Variants in KIF19 observed in about 807,000 individuals in gnomAD.
KIF19 encodes the protein kinesin family member 19.
A neutral mutation model predicts 106.6 loss-of-function variants in KIF19; 98 were observed. That is an observed-to-expected ratio of 0.92 (90% CI 0.78 to 1.09). KIF19 has a LOEUF of 1.09. Among genes scored for constraint, KIF19 ranks in the 50% least tolerant of loss-of-function variants. The pLI is 0.00. For missense variants in KIF19, 1,373 were observed against 1,414.3 expected (o/e 0.97, Z 0.47); for synonymous variants, 516 against 584.2 (o/e 0.88, Z 1.68).
intron 2 of KIF19, among the ~76,000 whole-genome samples, chr17:74,336,017 T>C (rs2054212637): frequency 6.6e-6 from 1 of 152,206 alleles, no homozygotes; most frequent in South Asian, 2.1e-4. Context: ...AAGTCCACAA[T>C]CAACATGGCA....
In KIF19 at chr17:74,355,662, T is replaced by TGCC. The variant is rs2054865246; in HGVS notation, c.*351_*352insCCG. Reference sequence around the variant, plus strand: ...AGTGAGACGGGGCTCCTGGCCCACGTGTGGGGCACGGGCATCCTGGATGGT... The same window carrying TGCC: ...AGTGAGACGGGGCTCCTGGCCCACGTGCCGTGGGGCACGGGCATCCTGGATGGT... On this transcript the variant is annotated 3_prime_UTR_variant, in exon 20 of 20. Coordinates refer to ENST00000389916, the MANE Select transcript of KIF19 (RefSeq NM_153209.4). 4.9e-6 allele frequency: 1 copy of TGCC among 202,722 alleles called. No individual in the cohort carries two copies. The highest frequency in any genetic ancestry group is 9.9e-6 in the Non-Finnish European group (1 of 101,292). 12.6% of individuals were successfully genotyped at this position (202,722 alleles called of 1,614,324 possible). A position where few individuals can be genotyped will look rare whatever the true frequency, so the allele number is the denominator to read the frequency against.
At chr17:74,328,526 G>T in intron 2 of KIF19, 21 bp downstream of exon 2, 1 of 1,578,812 alleles carries the variant, frequency 6.3e-7, no homozygotes, top group Non-Finnish European at 8.6e-7. Context: ...CTCTGCAGCA[G>T]GAGCTGCAGG....
rs1466495429 is a variant in KIF19, at chr17:74,346,618, C to A, written c.924+94C>A. ...TACAGGGCACCCAGCTAAATTCCAA[C>A]CTCAGGATACACAGCAAAATTTATT... On this transcript the variant is annotated intron_variant, in intron 8 of 19. Transcript: ENST00000389916. The surrounding 1 kb of genome is among the most constrained non-coding windows in gnomAD (Gnocchi z 4.6). The A allele has an allele frequency of 8.4e-7, 1 of 1,185,616 alleles. No individual in the cohort carries two copies. The highest frequency in any genetic ancestry group is 1.2e-6 in the Non-Finnish European group (1 of 842,000). The allele number at this position is 1,185,616 out of a possible 1,614,324, so 73.4% of individuals were successfully genotyped here.
Position 74,353,672 on chromosome 17 carries a change from A to G in KIF19, c.2308+91A>G. On this transcript the variant is annotated intron_variant, in intron 17 of 19. Transcript: ENST00000389916. Reference sequence around the variant, plus strand: ...CTCAAAGCCCTTTCCTGCCCTCTGCACTGCCAAGTGCAACCAAGCATTGGG... The same window carrying G: ...CTCAAAGCCCTTTCCTGCCCTCTGCGCTGCCAAGTGCAACCAAGCATTGGG... The G allele has an allele frequency of 2.9e-6, 3 of 1,036,538 alleles. No individual in the cohort carries two copies. In the South Asian group the frequency reaches 4.0e-5, roughly 14 times the overall value. 64.2% of individuals were successfully genotyped at this position (1,036,538 alleles called of 1,614,324 possible).
At chr17:74,338,381 G>A (rs544194822) in intron 2 of KIF19, among the ~76,000 whole-genome samples, 1 of 148,804 alleles carries the variant, frequency 6.7e-6, no homozygotes, top group East Asian at 1.9e-4. Context: ...GAGGCTCACT[G>A]TGACCACCTA....
chr17:74,353,046 G>T, intron 15 of KIF19, 92 bp downstream of exon 15: 1 of 1,513,926 alleles, frequency 6.6e-7, no homozygotes, highest in East Asian at 2.3e-5. Flanking sequence ...ACACAGAGCA[G>T]CAATGAGAGG....
chr17:74,330,440 TGCTG>T (rs2054046231), intron 2 of KIF19, among the ~76,000 whole-genome samples: 1 of 152,208 alleles, frequency 6.6e-6, no homozygotes, highest in African/African-American at 2.4e-5. Context: ...TCCCCAGGGC[TGCTG>T]GGTTGGCTCA....
intron 2 of KIF19, among the ~76,000 whole-genome samples, chr17:74,338,439 T>TC (rs1003744729): frequency 3.9e-5 from 6 of 151,976 alleles, no homozygotes; most frequent in Non-Finnish European, 5.9e-5. Context: ...CTCATTCTTT[T>TC]CCCCGCACAA....
chr17:74,352,121 G>A lies in KIF19; in HGVS notation c.1842G>A (p.Gln614=). Residue 614 remains glutamine, a synonymous_variant, in exon 13 of 20, where the codon CAG becomes CAA. Transcript: ENST00000389916. ...RSLCDEIIQG[Q]RQIIDDYNLA... ...TCTGCGACGAGATTATCCAGGGCCAGCGGCAGATCATCGACGGTAGGGCCC... is the reference window on the plus strand; with the variant it reads ...TCTGCGACGAGATTATCCAGGGCCAACGGCAGATCATCGACGGTAGGGCCC... 6.3e-7 allele frequency: 1 copy of A among 1,583,748 alleles called. No homozygotes were observed. The highest frequency in any genetic ancestry group is 8.6e-7 in the Non-Finnish European group (1 of 1,162,270).
intron 2 of KIF19, among the ~76,000 whole-genome samples, chr17:74,334,720 C>T (rs1430305741): frequency 6.6e-6 from 1 of 152,146 alleles, no homozygotes; most frequent in East Asian, 1.9e-4. Flanking sequence ...ACATGGCCAG[C>T]AACAAATTCT....
chr17:74,354,582 G>C (rs767258992), intron 18 of KIF19, 23 bp downstream of exon 18: 47 of 1,574,822 alleles, frequency 3.0e-5, no homozygotes, highest in Non-Finnish European at 3.8e-5. Flanking sequence ...GCAGGGGTGG[G>C]TGTCTAGGCA....
chr17:74,347,536 CAAAA>C (rs570278328), intron 8 of KIF19, among the ~76,000 whole-genome samples: 3 of 109,856 alleles, frequency 2.7e-5, no homozygotes, highest in Admixed American at 9.0e-5. Flanking sequence ...GACCCTGTCT[CAAAA>C]AAAAAAAAAA....
chr17:74,326,758 G>C (rs2053922815), intron 1 of KIF19, among the ~76,000 whole-genome samples: 1 of 152,158 alleles, frequency 6.6e-6, no homozygotes, highest in African/African-American at 2.4e-5. Flanking sequence ...CGGTTTCCCA[G>C]TTAATCAGAG....
At chr17:74,347,477 C>T (rs2054566449) in intron 8 of KIF19, among the ~76,000 whole-genome samples, 1 of 149,536 alleles carries the variant, frequency 6.7e-6, no homozygotes, top group South Asian at 2.1e-4. Flanking sequence ...GTGGAGGTTG[C>T]AGTGAGCTGA....
In KIF19 at chr17:74,344,286, G is replaced by A; in HGVS notation, c.520G>A (p.Asp174Asn). 1 of 1,613,040 alleles carries A rather than the reference G, an allele frequency of 6.2e-7. No homozygotes were observed. ...CCTGGGCTACCTGGAGCTGCGGGAG[G>A]ACTCTAAGGGGGTGATCCAGGTGGC... is the stretch of plus-strand genomic sequence containing the variant. Reference protein sequence around the residue: ...PSLGYLELREDSKGVIQVAGI... With the variant: ...PSLGYLELRENSKGVIQVAGI... Residue 174 changes from aspartate (D) to asparagine (N), a missense_variant, in exon 6 of 20, where the codon GAC becomes AAC. This residue lies in a region of KIF19 where 348 missense variants were observed against 389.5 expected (regional missense o/e 0.89). Coordinates refer to ENST00000389916, the MANE Select transcript of KIF19 (RefSeq NM_153209.4).
chr17:74,350,019 G>C (rs924934715), intron 10 of KIF19, among the ~76,000 whole-genome samples: 1 of 152,140 alleles, frequency 6.6e-6, no homozygotes, highest in Non-Finnish European at 1.5e-5. Context: ...GGCTGGTCTC[G>C]AACTCCCGAC....
At chr17:74,353,002 A>G in intron 15 of KIF19, 48 bp downstream of exon 15, 1 of 1,607,538 alleles carries the variant, frequency 6.2e-7, no homozygotes, top group Non-Finnish European at 8.5e-7. Flanking sequence ...GCCCTGTCCC[A>G]GAGAGGCCAA....
rs772939999 is a variant in KIF19, at chr17:74,354,464, G to A, written c.2611G>A (p.Gly871Ser). 4 of 1,609,646 alleles carry A rather than the reference G, an allele frequency of 2.5e-6. No individual in the cohort carries two copies. In the African/African-American group the frequency reaches 4.0e-5, roughly 16 times the overall value. The change falls in exon 18 of 20, where the codon GGC becomes AGC. Residue 871 changes from glycine to serine, a missense_variant. Physicochemically the swap from Gly to Ser is moderately conservative, Grantham distance 56. Transcript: ENST00000389916. ...GGACGGCCCCAGGCCCTGGCTGCGT[G>A]GCCAGAAGAAAAGCCTGGGCAAGAA... ...HGDGPRPWLR[G>S]QKKSLGKKRE...
Position 74,352,067 on chromosome 17 carries a change from C to G in KIF19, c.1788C>G (p.Ala596=), listed in dbSNP as rs757851806. The part of the protein sequence containing the change: ...RDGALRHRHE[A]VRRLEQHRSL... Reference sequence around the variant, plus strand: ...GTGCGCTCCGCCACCGCCACGAGGCCGTGCGCCGCCTGGAGCAGCACCGCA... The same window carrying G: ...GTGCGCTCCGCCACCGCCACGAGGCGGTGCGCCGCCTGGAGCAGCACCGCA... The change falls in exon 13 of 20, where the codon GCC becomes GCG. Residue 596 remains alanine, a synonymous_variant. Coordinates refer to ENST00000389916, the MANE Select transcript of KIF19 (RefSeq NM_153209.4). The G allele has an allele frequency of 6.3e-7, 1 of 1,591,280 alleles. No homozygotes were observed. Among genetic ancestry groups the G allele is most frequent in the South Asian group, 1.1e-5 (1 of 88,954 alleles).
Sources: gnomAD v4.1 joint callset for allele counts (sites outside exome capture counted in the v4.1 genomes callset) on GRCh38, gnomAD v4.1.1 for gene constraint, gnomAD v4.1.1 regional missense constraint, Gnocchi (gnomAD v3.1) non-coding constraint, MANE v1.5 for transcripts, NCBI Gene and HGNC (gene_info 2026-07-23, HGNC 2026-07-21) for gene names.